The following NOC2L variants were observed in gnomAD, a reference collection of about 807,000 sequenced individuals.
NOC2L encodes NOC2 like nucleolar associated transcriptional repressor, also known as nucleolar complex protein 2 homolog.
In NOC2L, 101 loss-of-function variants were observed where a neutral mutation model predicts 94.2. The ratio of observed to expected loss-of-function variants is 1.07; its 90% CI spans 0.91 to 1.26. The LOEUF is 1.26. NOC2L is among the 50% of genes most tolerant of loss of function. The probability of loss-of-function intolerance (pLI) is 0.00; values close to 1 mark genes in which losing one functional copy is unlikely to be tolerated. For missense variants in NOC2L, 1,076 were observed against 980.1 expected (o/e 1.10, Z -1.31); for synonymous variants, 531 against 413.4 (o/e 1.28, Z -3.45).
intron 17 of NOC2L, 21 bp from the exon 18 acceptor site, chr1:945,167 T>G: frequency 2.5e-6 from 4 of 1,573,228 alleles, no homozygotes; most frequent in Non-Finnish European, 3.5e-6. Flanking sequence ...AGAAGCAGAG[T>G]CCATATGACT....
At chr1:955,143 C>T (rs902007220) in intron 6 of NOC2L, among the ~76,000 whole-genome samples, 1 of 152,252 alleles carries the variant, frequency 6.6e-6, no homozygotes, top group Non-Finnish European at 1.5e-5. Context: ...CAATCGCTGC[C>T]TGTCCCTCCA....
At chr1:951,265 G>A (rs1385076939) in intron 11 of NOC2L, 27 bp from the exon 12 acceptor site, 3 of 1,525,550 alleles carry the variant, frequency 2.0e-6, no homozygotes, top group Non-Finnish European at 2.7e-6. Flanking sequence ...CGAGTGAGCA[G>A]AGGCCCCGGC....
At chr1:947,400 C>CT (rs201354810) in intron 14 of NOC2L, among the ~76,000 whole-genome samples, 2,385 of 152,340 alleles carry the variant, frequency 0.016, 51 homozygotes, top group African/African-American at 0.054. Flanking sequence ...GCACACACCT[C>CT]TATCTGGATA....
chr1:957,900 G>A (rs4970371), intron 2 of NOC2L: 146,603 of 154,136 alleles, frequency 0.95, 69,740 homozygotes, highest in African/African-American at 0.97. Context: ...CACTCCTGCC[G>A]TAGCCACGTT....
At position 944,209 on chromosome 1, in the gene NOC2L, C is replaced by T; in HGVS notation, c.*485G>A. 13 of 1,488,296 alleles carry T rather than the reference C, an allele frequency of 8.7e-6. No homozygotes were observed. Among genetic ancestry groups the T allele is most frequent in the East Asian group, 2.4e-5 (1 of 42,278 alleles). The allele number at this position is 1,488,296 out of a possible 1,614,324, so 92.2% of individuals were successfully genotyped here. On this transcript the variant is annotated 3_prime_UTR_variant, in exon 19 of 19. Transcript: ENST00000327044. Reference sequence around the variant, plus strand: ...AATCTCCAGGAGCCACCACTCAACACAATGGCCCTGCCTCCCACCGCTTTA... The same window carrying T: ...AATCTCCAGGAGCCACCACTCAACATAATGGCCCTGCCTCCCACCGCTTTA...
chr1:948,330 G>T, intron 13 of NOC2L, 98 bp from the exon 14 acceptor site: 1 of 1,149,048 alleles, frequency 8.7e-7, no homozygotes, highest in Non-Finnish European at 1.3e-6. Context: ...GCCATCTCCA[G>T]GGCACGGACT....
intron 4 of NOC2L, 39 bp downstream of exon 4, chr1:956,855 G>A (rs1203098499): frequency 1.9e-6 from 3 of 1,610,678 alleles, no homozygotes; most frequent in Admixed American, 1.7e-5. Context: ...CCAGATTTCT[G>A]CCTGGGCACC....
rs763183484 is a variant in NOC2L at position 952,472 on chromosome 1, G to A, written c.1131C>T (p.Ala377=). Residue 377 remains alanine, a synonymous_variant, in exon 10 of 19, where the codon GCC becomes GCT. Coordinates refer to ENST00000327044, the MANE Select transcript of NOC2L (RefSeq NM_015658.4). ...TGGCGAGCTGGCGGATGTAGAGGAA[G>A]GCGTGCTGGTAGGCCACACCCGGCT... ...ALEPGVAYQH[A]FLYIRQLAIH... is the part of the protein sequence containing the mutation. The A allele has an allele frequency of 8.1e-6, 13 of 1,613,718 alleles. No homozygotes were observed. In the East Asian group the frequency reaches 1.6e-4, roughly 19 times the overall value.
chr1:955,829 A>G (rs1489834468), intron 6 of NOC2L, 94 bp downstream of exon 6: 5 of 1,070,666 alleles, frequency 4.7e-6, no homozygotes, highest in Non-Finnish European at 7.0e-6. Context: ...CTCTGTTGCC[A>G]TGTCTCTGTC....
At chr1:958,613 C>T (rs1017938435) in intron 2 of NOC2L, 1 of 564,946 alleles carries the variant, frequency 1.8e-6, no homozygotes. Flanking sequence ...CTCTGTCCTT[C>T]CTTTCCCTCC....
At chr1:952,708 C>A in intron 9 of NOC2L, 108 bp from the exon 10 acceptor site, 2 of 1,109,478 alleles carry the variant, frequency 1.8e-6, no homozygotes, top group Non-Finnish European at 1.3e-6. Flanking sequence ...AGCTGGGCCT[C>A]GAGGAAGAGC....
intron 17 of NOC2L, 57 bp downstream of exon 17, chr1:945,461 A>G: frequency 6.3e-7 from 1 of 1,595,884 alleles, no homozygotes. Flanking sequence ...GGCTCTGGGA[A>G]GTCCAGCAGA....
chr1:953,084 G>A, intron 9 of NOC2L, 91 bp downstream of exon 9: 1 of 842,450 alleles, frequency 1.2e-6, no homozygotes, highest in Admixed American at 2.0e-5. Context: ...GTCCAGTGAG[G>A]GGCACCAACC....
chr1:945,872 C>G (rs772964371), intron 16 of NOC2L, among the ~76,000 whole-genome samples: 13 of 152,244 alleles, frequency 8.5e-5, no homozygotes. Context: ...CTGGTGCCCA[C>G]ATACTGGCCT....
At chr1:955,616 G>A (rs1248307368) in intron 6 of NOC2L, among the ~76,000 whole-genome samples, 75 of 152,202 alleles carry the variant, frequency 4.9e-4, no homozygotes, top group Admixed American at 4.8e-3. Context: ...CTTACAAAGG[G>A]AAATAGAGCA....
rs541275683 is a variant in NOC2L at position 954,282 on chromosome 1, T to C, written c.699-200A>G. ...GGAGGACCCTCTCAAGTGCATTAGC[T>C]CCTCCTTCAGTGGCCTTGAACTCCT... On this transcript the variant is annotated intron_variant, in intron 6 of 18. Transcript: ENST00000327044. The C allele has an allele frequency of 3.9e-4, 216 of 548,544 alleles. 1 individual carries two copies. The highest frequency in any genetic ancestry group is 3.8e-3 in the African/African-American group (198 of 52,724). The allele number at this position is 548,544 out of a possible 1,614,324, so 34.0% of individuals were successfully genotyped here. A position where few individuals can be genotyped will look rare whatever the true frequency, so the allele number is the denominator to read the frequency against.
chr1:957,080 G>A lies in NOC2L; in HGVS notation c.354+19C>T, dbSNP rs41285802. ...TGTAGAGACAAGTGCCCCCCTTCTG[G>A]TTTGGCCCACGCCCTCACCTCCAGC... is the stretch of plus-strand genomic sequence containing the variant. On this transcript the variant is annotated intron_variant, in intron 3 of 18. Transcript: ENST00000327044. 2 of 1,613,930 alleles carry A rather than the reference G, an allele frequency of 1.2e-6. No individual in the cohort carries two copies.
At chr1:953,711 G>A in intron 8 of NOC2L, 71 bp downstream of exon 8, 1 of 1,144,642 alleles carries the variant, frequency 8.7e-7, no homozygotes, top group East Asian at 2.4e-5. Flanking sequence ...GCCAGGAGTG[G>A]GATGTGGTGG....
intron 14 of NOC2L, 101 bp from the exon 15 acceptor site, chr1:946,646 C>A (rs1391196362): frequency 2.8e-6 from 4 of 1,405,616 alleles, no homozygotes; most frequent in Non-Finnish European, 3.9e-6. Context: ...ACGGGGATAC[C>A]CCAGGAGGGG....
Sources: gnomAD v4.1 joint callset for allele counts (sites outside exome capture counted in the v4.1 genomes callset) on GRCh38, gnomAD v4.1.1 for gene constraint, MANE v1.5 for transcripts, NCBI Gene and HGNC (gene_info 2026-07-23, HGNC 2026-07-21) for gene names.